CLYBL: variants seen among roughly 807,000 people sequenced by gnomAD.
CLYBL encodes the protein citramalyl-CoA lyase, also known as citramalyl-CoA lyase, mitochondrial.
Under a neutral mutation model 38.9 loss-of-function variants are expected in CLYBL, and 31 were observed. That is an observed-to-expected ratio of 0.80 (90% CI 0.60 to 1.08). The LOEUF is 1.08. CLYBL is among the 50% of genes least tolerant of loss of function. CLYBL has a pLI of 0.00. For synonymous variants in CLYBL, 171 were observed against 158.6 expected (o/e 1.08, Z -0.59); for missense variants, 434 against 411.6 (o/e 1.05, Z -0.47).
chr13:99,906,614 G>A (rs2052701124), intron 9 of CLYBL, among the ~76,000 whole-genome samples: 3 of 151,940 alleles, frequency 2.0e-5, no homozygotes, highest in African/African-American at 7.3e-5. Context: ...AGTAGAAATG[G>A]GGTTTCTCCA....
At chr13:99,615,590 G>A (rs188177446) in intron 1 of CLYBL, among the ~76,000 whole-genome samples, 2 of 152,200 alleles carry the variant, frequency 1.3e-5, no homozygotes, top group Non-Finnish European at 2.9e-5. Flanking sequence ...AAGAAATCAA[G>A]GAAATAATAT....
At chr13:99,828,899 A>G (rs2050749677) in intron 2 of CLYBL, among the ~76,000 whole-genome samples, 1 of 152,142 alleles carries the variant, frequency 6.6e-6, no homozygotes, top group Admixed American at 6.5e-5. Flanking sequence ...CATATGCTGA[A>G]TTAGAGATTG....
At chr13:99,785,845 C>T (rs2049779821) in intron 2 of CLYBL, among the ~76,000 whole-genome samples, 2 of 152,122 alleles carry the variant, frequency 1.3e-5, no homozygotes, top group Admixed American at 6.5e-5. Flanking sequence ...ATCTACCCAC[C>T]TCGGCCTCCC....
chr13:99,860,991 C>T (rs1002166352), intron 3 of CLYBL, among the ~76,000 whole-genome samples: 2 of 152,318 alleles, frequency 1.3e-5, no homozygotes, highest in African/African-American at 4.8e-5. Context: ...TTCCAACACA[C>T]TATTGGGTGT....
At chr13:99,906,440 T>C (rs1266649612) in intron 9 of CLYBL, among the ~76,000 whole-genome samples, 4 of 151,524 alleles carry the variant, frequency 2.6e-5, no homozygotes, top group African/African-American at 9.7e-5. Context: ...AGTTTTCTTT[T>C]TTTTTTCTTT....
intron 1 of CLYBL, among the ~76,000 whole-genome samples, chr13:99,718,338 G>T (rs1470099213): frequency 6.8e-6 from 1 of 147,916 alleles, no homozygotes; most frequent in East Asian, 2.0e-4. Context: ...TTTGACTCCT[G>T]TTGCCTGTTA....
rs1161802558 is a variant in CLYBL at position 99,866,497 on chromosome 13, A to C, written c.802+90A>C. The stretch of plus-strand genomic sequence containing the variant: ...ACCCGAAAACACCCCTAATCTCATC[A>C]GATATCTCCCATACTTACTCCACTA... On this transcript the variant is annotated intron_variant, in intron 6 of 8. Transcript: ENST00000339105. The C allele has an allele frequency of 3.7e-6, 4 of 1,090,972 alleles. No individual in the cohort carries two copies. The East Asian group carries it at 7.5e-5, about 20-fold the overall frequency. The allele number at this position is 1,090,972 out of a possible 1,614,324, so 67.6% of individuals were successfully genotyped here. A position where few individuals can be genotyped will look rare whatever the true frequency, so the allele number is the denominator to read the frequency against.
At chr13:99,861,292 T>C (rs2051596236) in intron 3 of CLYBL, among the ~76,000 whole-genome samples, 1 of 152,132 alleles carries the variant, frequency 6.6e-6, no homozygotes, top group Non-Finnish European at 1.5e-5. Flanking sequence ...CCCTATTGGC[T>C]TAAAAACAAA....
At position 99,783,407 on chromosome 13, in the gene CLYBL, C is replaced by T. The variant is rs1278626186; in HGVS notation, c.249+10397C>T. ...TATCTGGAAGTTCTATTTGGTTCTT[C>T]TACATATCTGCTTGGTATATTATGA... On this transcript the variant is annotated intron_variant, in intron 2 of 8. Coordinates refer to ENST00000339105, the MANE Select transcript of CLYBL (RefSeq NM_206808.5). 3.3e-4 allele frequency among the ~76,000 whole-genome samples: 50 copies of T among 151,348 alleles called. No individual in the cohort carries two copies. The Admixed American group carries it at 3.3e-3, about 10-fold the overall frequency.
rs2051724836 is a variant in CLYBL at position 99,865,706 on chromosome 13, T to C, written c.635-534T>C. ...CAGCGGGCTACAGAAGGCATATCGA[T>C]GCTTTCCAGCCCTCTCAAAACAAGT... On this transcript the variant is annotated intron_variant, in intron 5 of 8. Transcript: ENST00000339105. The surrounding 1 kb of genome is among the most constrained non-coding windows in gnomAD (Gnocchi z 4.7). Among the ~76,000 whole-genome samples the C allele has an allele frequency of 6.6e-6, 1 of 152,228 alleles. No individual in the cohort carries two copies. The highest frequency in any genetic ancestry group is 1.5e-5 in the Non-Finnish European group (1 of 68,042).
intron 1 of CLYBL, among the ~76,000 whole-genome samples, chr13:99,646,726 A>G (rs1202489218): frequency 7.1e-6 from 1 of 141,336 alleles, no homozygotes; most frequent in African/African-American, 2.7e-5. Context: ...GGGTTTCACC[A>G]TCTTGGCCAG....
At chr13:99,672,886 A>G (rs2047587822) in intron 1 of CLYBL, among the ~76,000 whole-genome samples, 2 of 152,198 alleles carry the variant, frequency 1.3e-5, no homozygotes, top group South Asian at 4.1e-4. Flanking sequence ...AGTTGCCATT[A>G]GCCAGATGAT....
At chr13:99,747,369 G>A (rs1416305407) in intron 1 of CLYBL, among the ~76,000 whole-genome samples, 10 of 148,594 alleles carry the variant, frequency 6.7e-5, no homozygotes, top group South Asian at 4.3e-4. Flanking sequence ...CCTCTCCCCC[G>A]CCTTCCTCTT....
In CLYBL at chr13:99,633,177, C is replaced by A. The variant is rs140252930; in HGVS notation, c.62+26420C>A. Among the ~76,000 whole-genome samples, 605 of 139,796 alleles carry A rather than the reference C, an allele frequency of 4.3e-3. 4 individuals carry two copies. The highest frequency in any genetic ancestry group is 0.016 in the African/African-American group (575 of 36,016). 91.7% of individuals were successfully genotyped at this position (139,796 alleles called of 152,430 possible). On this transcript the variant is annotated intron_variant, in intron 1 of 8. Coordinates refer to ENST00000339105, the MANE Select transcript of CLYBL (RefSeq NM_206808.5). ...AGTGAGCCGAGATCATACCAGTGCA[C>A]TCCAGCCTGGGCAACAGAGCAAGAT... is the stretch of plus-strand genomic sequence containing the variant.
chr13:99,821,728 T>C (rs2050592172), intron 2 of CLYBL, among the ~76,000 whole-genome samples: 1 of 152,226 alleles, frequency 6.6e-6, no homozygotes, highest in Non-Finnish European at 1.5e-5. Flanking sequence ...AAAAATAAAT[T>C]CCCAGTGAGC....
intron 1 of CLYBL, among the ~76,000 whole-genome samples, chr13:99,747,235 C>T (rs1331355449): frequency 7.1e-6 from 1 of 140,990 alleles, no homozygotes; most frequent in South Asian, 2.6e-4. Context: ...CCCCATGCTC[C>T]CTTTCTTTTC....
intron 1 of CLYBL, among the ~76,000 whole-genome samples, chr13:99,764,733 G>A (rs1046005395): frequency 1.3e-5 from 2 of 152,036 alleles, no homozygotes; most frequent in Non-Finnish European, 2.9e-5. Flanking sequence ...CTAGAGTGCA[G>A]TGAAATGATC....
intron 1 of CLYBL, among the ~76,000 whole-genome samples, chr13:99,754,074 C>T (rs1334772260): frequency 1.1e-4 from 10 of 91,878 alleles, no homozygotes; most frequent in South Asian, 7.6e-4. Flanking sequence ...GCGACAAGAG[C>T]GAAACTCGGT....
chr13:99,645,133 T>G (rs2047158377), intron 1 of CLYBL, among the ~76,000 whole-genome samples: 1 of 152,202 alleles, frequency 6.6e-6, no homozygotes, highest in Non-Finnish European at 1.5e-5. Flanking sequence ...TACATTCCCA[T>G]TAACAGTGTA....
Sources: gnomAD v4.1 joint callset for allele counts (sites outside exome capture counted in the v4.1 genomes callset) on GRCh38, gnomAD v4.1.1 for gene constraint, Gnocchi (gnomAD v3.1) non-coding constraint, MANE v1.5 for transcripts, NCBI Gene and HGNC (gene_info 2026-07-23, HGNC 2026-07-21) for gene names.